The following NDUFAF2 variants were observed in gnomAD, a reference collection of about 807,000 sequenced individuals.
The protein encoded by NDUFAF2 is NADH dehydrogenase [ubiquinone] 1 alpha subcomplex assembly factor 2.
In NDUFAF2, 13 loss-of-function variants were observed where a neutral mutation model predicts 22.8. The observed-to-expected ratio is 0.57, with a 90% CI of 0.37 to 0.91. The LOEUF (loss-of-function observed/expected upper bound fraction) is 0.91, where lower values mean the gene tolerates loss of function less well. NDUFAF2 is among the 40% of genes least tolerant of loss of function. NDUFAF2 has a pLI of 0.01. For synonymous variants in NDUFAF2, 53 were observed against 64.2 expected (o/e 0.83, Z 0.84); for missense variants, 162 against 195.2 (o/e 0.83, Z 1.01).
intron 1 of NDUFAF2, among the ~76,000 whole-genome samples, chr5:61,031,121 T>G (rs1017045872): frequency 1.3e-5 from 2 of 152,170 alleles, no homozygotes; most frequent in Non-Finnish European, 2.9e-5. Flanking sequence ...ATATGGGCGG[T>G]AGGCTCTTTA....
intron 1 of NDUFAF2, among the ~76,000 whole-genome samples, chr5:60,964,470 A>G (rs1272075385): frequency 1.4e-5 from 2 of 142,648 alleles, no homozygotes; most frequent in African/African-American, 5.2e-5. Context: ...TTTTTTTTGG[A>G]GACCGAGTCT....
chr5:61,131,933 G>A (rs1753117454), intron 3 of NDUFAF2, among the ~76,000 whole-genome samples: 1 of 152,018 alleles, frequency 6.6e-6, no homozygotes, highest in Non-Finnish European at 1.5e-5. Context: ...TACTTTTGCA[G>A]CTAAAAGAAC....
At chr5:61,056,920 ATATATATATATATATAT>A (rs1222741293) in intron 1 of NDUFAF2, among the ~76,000 whole-genome samples, 1 of 12,728 alleles carries the variant, frequency 7.9e-5, no homozygotes, top group African/African-American at 2.7e-4. Context: ...AAAAAAAAAA[ATATATATATATATATAT>A]ATATATATAT....
intron 2 of NDUFAF2, among the ~76,000 whole-genome samples, chr5:61,084,778 A>T (rs769010585): frequency 2.0e-5 from 3 of 152,162 alleles, no homozygotes; most frequent in Admixed American, 6.5e-5. Flanking sequence ...TAGTGCTGCT[A>T]TGAATATAGG....
intron 1 of NDUFAF2, among the ~76,000 whole-genome samples, chr5:60,972,685 AG>A (rs1354064896): frequency 7.3e-5 from 11 of 151,298 alleles, no homozygotes; most frequent in Admixed American, 5.3e-4. Flanking sequence ...AGGTTATATT[AG>A]AGTCTTGATT....
chr5:61,049,867 A>G (rs1752001477), intron 1 of NDUFAF2, among the ~76,000 whole-genome samples: 1 of 143,398 alleles, frequency 7.0e-6, no homozygotes, highest in Non-Finnish European at 1.5e-5. Flanking sequence ...TATATACACA[A>G]ATTATGCAAT....
chr5:61,076,152 GCTCCA>G (rs1752367004), intron 2 of NDUFAF2, among the ~76,000 whole-genome samples: 1 of 152,042 alleles, frequency 6.6e-6, no homozygotes, highest in Non-Finnish European at 1.5e-5. Flanking sequence ...CTCACTGCAG[GCTCCA>G]CCTCCCAAGT....
intron 3 of NDUFAF2, among the ~76,000 whole-genome samples, chr5:61,111,004 T>G (rs931616849): frequency 1.3e-5 from 2 of 152,156 alleles, no homozygotes; most frequent in Non-Finnish European, 2.9e-5. Context: ...TAGGTTTTGG[T>G]ATGTTGTGTT....
intron 1 of NDUFAF2, among the ~76,000 whole-genome samples, chr5:61,019,012 A>G (rs1004721562): frequency 2.0e-5 from 3 of 152,096 alleles, no homozygotes; most frequent in Non-Finnish European, 4.4e-5. Context: ...TTAGAGTTCT[A>G]TTACCTTATG....
At chr5:61,140,993 C>T (rs994432454) in intron 3 of NDUFAF2, among the ~76,000 whole-genome samples, 1 of 152,172 alleles carries the variant, frequency 6.6e-6, no homozygotes, top group African/African-American at 2.4e-5. Flanking sequence ...CTTTGGGAGG[C>T]CAAGGCGGGC....
chr5:60,987,595 A>G (rs1242646512), intron 1 of NDUFAF2, among the ~76,000 whole-genome samples: 1 of 152,212 alleles, frequency 6.6e-6, no homozygotes, highest in Non-Finnish European at 1.5e-5. Context: ...ATGATCAAGT[A>G]GGCTCTATCC....
intron 1 of NDUFAF2, among the ~76,000 whole-genome samples, chr5:60,983,929 C>G (rs961560947): frequency 4.6e-5 from 7 of 152,052 alleles, no homozygotes; most frequent in Non-Finnish European, 7.4e-5. Context: ...TTTTCCAATT[C>G]TGTAAAGAAA....
chr5:61,054,616 G>A (rs1742271688), intron 1 of NDUFAF2, among the ~76,000 whole-genome samples: 3 of 152,154 alleles, frequency 2.0e-5, no homozygotes, highest in African/African-American at 7.2e-5. Flanking sequence ...AAACCCCCTT[G>A]CTACTTAATT....
intron 2 of NDUFAF2, among the ~76,000 whole-genome samples, chr5:61,074,233 T>C (rs1441035635): frequency 6.6e-6 from 1 of 152,004 alleles, no homozygotes; most frequent in Non-Finnish European, 1.5e-5. Context: ...GGGCGGATCA[T>C]CTGAGGCCAG....
chr5:61,089,124 T>C (rs1752538245), intron 2 of NDUFAF2, among the ~76,000 whole-genome samples: 1 of 152,154 alleles, frequency 6.6e-6, no homozygotes, highest in African/African-American at 2.4e-5. Context: ...AAGGGTGCTT[T>C]AATTTGCATA....
At chr5:61,132,919 C>G (rs1187780731) in intron 3 of NDUFAF2, among the ~76,000 whole-genome samples, 2 of 151,308 alleles carry the variant, frequency 1.3e-5, no homozygotes, top group Non-Finnish European at 2.9e-5. Context: ...AGGTTATCCT[C>G]TTAATCCCAC....
At chr5:61,088,371 A>G (rs547385601) in intron 2 of NDUFAF2, among the ~76,000 whole-genome samples, 2 of 152,126 alleles carry the variant, frequency 1.3e-5, no homozygotes, top group South Asian at 4.1e-4. Flanking sequence ...ATACAAATGT[A>G]TGAGTACCAG....
chr5:61,052,144 T>G (rs1019705510), intron 1 of NDUFAF2, among the ~76,000 whole-genome samples: 1 of 148,278 alleles, frequency 6.7e-6, no homozygotes, highest in Non-Finnish European at 1.5e-5. Context: ...CCCCTAAGCT[T>G]CTTGGTAGTC....
At chr5:61,016,378 T>A (rs162233) in intron 1 of NDUFAF2, among the ~76,000 whole-genome samples, 21,082 of 152,082 alleles carry the variant, frequency 0.14, 1,817 homozygotes, top group South Asian at 0.28. Context: ...TTGGGGGACA[T>A]AAGGCTAGTT....
Sources: allele counts gnomAD v4.1 joint callset (sites outside exome capture counted in the v4.1 genomes callset), GRCh38; gene constraint gnomAD v4.1.1; transcripts MANE v1.5; gene names NCBI Gene and HGNC (gene_info 2026-07-23, HGNC 2026-07-21).